The following KIAA0319 variants were observed in gnomAD, a reference collection of about 807,000 sequenced individuals.
The protein encoded by KIAA0319 is dyslexia-associated protein KIAA0319.
A neutral mutation model predicts 108.4 loss-of-function variants in KIAA0319; 83 were observed. The observed-to-expected ratio is 0.77, with a 90% CI of 0.64 to 0.92. The LOEUF is 0.92. Among genes scored for constraint, KIAA0319 ranks in the 40% least tolerant of loss-of-function variants. KIAA0319 has a pLI of 0.00. For missense variants in KIAA0319, 1,195 were observed against 1,322.4 expected (o/e 0.90, Z 1.49); for synonymous variants, 484 against 510.4 (o/e 0.95, Z 0.70).
intron 1 of KIAA0319, among the ~76,000 whole-genome samples, chr6:24,630,214 A>C (rs916546827): frequency 6.6e-6 from 1 of 151,908 alleles, no homozygotes; most frequent in Admixed American, 6.6e-5. Flanking sequence ...ACAAAAACTT[A>C]CATTAAAAAA....
At chr6:24,633,929 C>T (rs1455799393) in intron 1 of KIAA0319, among the ~76,000 whole-genome samples, 1 of 151,358 alleles carries the variant, frequency 6.6e-6, no homozygotes, top group Non-Finnish European at 1.5e-5. Context: ...CTTGGATGCT[C>T]AAAAGACAAA....
chr6:24,543,433 A>AT (rs890150135), downstream of KIAA0319, among the ~76,000 whole-genome samples: 23 of 151,400 alleles, frequency 1.5e-4, no homozygotes, highest in East Asian at 1.4e-3. Flanking sequence ...CTCAATCTGC[A>AT]TTTTTTTTTC....
At chr6:24,635,880 C>T (rs1562115483) in intron 1 of KIAA0319, among the ~76,000 whole-genome samples, 1 of 152,166 alleles carries the variant, frequency 6.6e-6, no homozygotes, top group Non-Finnish European at 1.5e-5. Context: ...TGTTCCGTAG[C>T]AATAGCAAAC....
chr6:24,619,808 A>T (rs570544429), intron 1 of KIAA0319, among the ~76,000 whole-genome samples: 41 of 152,350 alleles, frequency 2.7e-4, no homozygotes, highest in African/African-American at 9.9e-4. Context: ...ACTTAAAATA[A>T]AACAGTGCCT....
In KIAA0319 at chr6:24,642,318, A is replaced by C. The variant is rs1777067164; in HGVS notation, c.-106+3418T>G. On this transcript the variant is annotated intron_variant, in intron 1 of 20. Coordinates refer to ENST00000378214, the MANE Select transcript of KIAA0319 (RefSeq NM_014809.4). ...AAGAAAAGAAAAGAAAGACATTTTAAAGGGTTATTTTGAAAAAATTTTGAA... is the reference window on the plus strand; with the variant it reads ...AAGAAAAGAAAAGAAAGACATTTTACAGGGTTATTTTGAAAAAATTTTGAA... 5.3e-5 allele frequency among the ~76,000 whole-genome samples: 8 copies of C among 152,302 alleles called. No homozygotes were observed. The South Asian group carries it at 8.3e-4, about 16-fold the overall frequency.
At chr6:24,566,488 A>T in intron 14 of KIAA0319, 109 bp downstream of exon 14, 2 of 972,854 alleles carry the variant, frequency 2.1e-6, no homozygotes, top group Non-Finnish European at 2.9e-6. Flanking sequence ...GCCTCCTTAT[A>T]CTTATATCCT....
intron 2 of KIAA0319, chr6:24,598,261 A>G: frequency 1.6e-6 from 1 of 618,450 alleles, no homozygotes; most frequent in Non-Finnish European, 3.0e-6. Flanking sequence ...GAGCCCCCTT[A>G]AGCTGGAGGT....
chr6:24,562,809 A>T (rs1296957579), intron 16 of KIAA0319, among the ~76,000 whole-genome samples: 4 of 152,256 alleles, frequency 2.6e-5, no homozygotes, highest in African/African-American at 9.6e-5. Context: ...ACTGCACTTT[A>T]GCCTAGGCAA....
chr6:24,602,615 A>G (rs907479877), intron 1 of KIAA0319, among the ~76,000 whole-genome samples: 12 of 152,264 alleles, frequency 7.9e-5, no homozygotes, highest in African/African-American at 2.4e-4. Flanking sequence ...CCTGGCTAAC[A>G]CGGTGAAACC....
rs747596616 is a variant in KIAA0319 at position 24,581,038 on chromosome 6, A to G, written c.1192-25T>C. 4.8e-6 allele frequency: 7 copies of G among 1,465,202 alleles called. No homozygotes were observed. In the East Asian group the frequency reaches 1.1e-4, roughly 24 times the overall value. The allele number at this position is 1,465,202 out of a possible 1,614,324, so 90.8% of individuals were successfully genotyped here. A position where few individuals can be genotyped will look rare whatever the true frequency, so the allele number is the denominator to read the frequency against. On this transcript the variant is annotated intron_variant, in intron 6 of 20. Coordinates refer to ENST00000378214, the MANE Select transcript of KIAA0319 (RefSeq NM_014809.4). ...ACTGTAACATAAAGAAAAGTTGTAC[A>G]GTTCAACATGCAAGACGTGATGGGT... is the stretch of plus-strand genomic sequence containing the variant.
At chr6:24,560,835 T>TTAGTTA (rs1334127313) in intron 16 of KIAA0319, among the ~76,000 whole-genome samples, 6 of 152,242 alleles carry the variant, frequency 3.9e-5, no homozygotes, top group African/African-American at 1.4e-4. Context: ...ACATCTGTAA[T>TTAGTTA]GACCCTATTT....
intron 9 of KIAA0319, 87 bp from the exon 10 acceptor site, chr6:24,576,683 G>T (rs1338782031): frequency 6.7e-6 from 7 of 1,045,610 alleles, no homozygotes; most frequent in African/African-American, 6.3e-5. Context: ...ACTGTGGGAA[G>T]CTGAGGTGGG....
chr6:24,641,544 C>T (rs1386147971), intron 1 of KIAA0319, among the ~76,000 whole-genome samples: 1 of 152,162 alleles, frequency 6.6e-6, no homozygotes, highest in Non-Finnish European at 1.5e-5. Flanking sequence ...ACATTGAAGA[C>T]TAGTTAACCT....
At chr6:24,578,915 T>A (rs1561980591) in intron 8 of KIAA0319, among the ~76,000 whole-genome samples, 1 of 152,242 alleles carries the variant, frequency 6.6e-6, no homozygotes, top group African/African-American at 2.4e-5. Context: ...TATTTGGTCA[T>A]GTAAATATTT....
Position 24,599,037 on chromosome 6 carries a change from G to A in KIAA0319, c.55+2012C>T. 1.4e-6 allele frequency: 1 copy of A among 736,966 alleles called. No individual in the cohort carries two copies. Among genetic ancestry groups the A allele is most frequent in the Non-Finnish European group, 2.4e-6 (1 of 411,566 alleles). 45.7% of individuals were successfully genotyped at this position (736,966 alleles called of 1,614,324 possible). A position where few individuals can be genotyped will look rare whatever the true frequency, so the allele number is the denominator to read the frequency against. ...GATCAACTTCCTCAGGCAGCTGTAT[G>A]AAGAGGAGATCCAGGAGCTGCAGTC... On this transcript the variant is annotated intron_variant, in intron 2 of 20. Transcript: ENST00000378214. This position sits in a 1 kb window ranked among gnomAD's most constrained non-coding sequence, Gnocchi z 4.1.
At chr6:24,592,447 T>C (rs1449887833) in intron 3 of KIAA0319, among the ~76,000 whole-genome samples, 1 of 152,176 alleles carries the variant, frequency 6.6e-6, no homozygotes, top group African/African-American at 2.4e-5. Flanking sequence ...CTTTTTGTTT[T>C]AAGAGATGGG....
At chr6:24,557,172 T>C (rs571087165) in intron 17 of KIAA0319, among the ~76,000 whole-genome samples, 4 of 151,752 alleles carry the variant, frequency 2.6e-5, no homozygotes, top group South Asian at 4.2e-4. Context: ...GCCACTGCAC[T>C]CCAGCCTGGT....
At chr6:24,586,402 T>C (rs11967638) in intron 4 of KIAA0319, among the ~76,000 whole-genome samples, 1,789 of 152,338 alleles carry the variant, frequency 0.012, 35 homozygotes, top group African/African-American at 0.041. Context: ...GGGGAATTTA[T>C]ATCTATAAAG....
intron 3 of KIAA0319, among the ~76,000 whole-genome samples, chr6:24,592,153 G>GT (rs1768589095): frequency 6.6e-6 from 1 of 152,060 alleles, no homozygotes; most frequent in African/African-American, 2.4e-5. Flanking sequence ...GTCTCTTATA[G>GT]TTTTAACTCA....
Sources: allele counts gnomAD v4.1 joint callset (sites outside exome capture counted in the v4.1 genomes callset), GRCh38; gene constraint gnomAD v4.1.1; non-coding constraint Gnocchi (gnomAD v3.1); transcripts MANE v1.5; gene names NCBI Gene and HGNC (gene_info 2026-07-23, HGNC 2026-07-21).